PWWP2A: variants seen among roughly 807,000 people sequenced by gnomAD.
PWWP2A encodes PWWP domain containing 2A, also known as PWWP domain-containing protein 2A.
Under a neutral mutation model 48.5 loss-of-function variants are expected in PWWP2A, and 18 were observed. That is an observed-to-expected ratio of 0.37 (90% CI 0.26 to 0.55). PWWP2A has a LOEUF of 0.55. Among genes scored for constraint, PWWP2A ranks in the 20% least tolerant of loss-of-function variants. PWWP2A has a pLI of 0.81. For synonymous variants in PWWP2A, 396 were observed against 387.7 expected (o/e 1.02, Z -0.25); for missense variants, 867 against 976.4 (o/e 0.89, Z 1.49).
intron 1 of PWWP2A, among the ~76,000 whole-genome samples, chr5:160,105,239 CAAAAA>C (rs70990704): frequency 7.2e-3 from 351 of 48,964 alleles, no homozygotes; most frequent in African/African-American, 0.029. Context: ...GTCTCTAAGG[CAAAAA>C]AAAAAAAAAA....
rs1758489468 is a variant in PWWP2A at position 160,119,362 on chromosome 5, T to C, written c.27A>G (p.Ala9=). The C allele has an allele frequency of 7.3e-7, 1 of 1,372,630 alleles. No homozygotes were observed. The allele number at this position is 1,372,630 out of a possible 1,614,324, so 85.0% of individuals were successfully genotyped here. A position where few individuals can be genotyped will look rare whatever the true frequency, so the allele number is the denominator to read the frequency against. The part of the protein sequence containing the change: MAAVAAEA[A]ATAASPGEGG... ...CCTCCCCGGGGGACGCTGCAGTCGC[T>C]GCCGCCTCTGCAGCCACGGCCGCCA... Residue 9 remains alanine, a synonymous_variant, in exon 1 of 2, where the codon GCA becomes GCG. Transcript: ENST00000307063.
At chr5:160,045,515 T>TCTCTCTC in the PWWP2A span, among the ~76,000 whole-genome samples, 2 of 37,620 alleles carry the variant, frequency 5.3e-5, no homozygotes, top group African/African-American at 1.5e-4. Context: ...CACACACACA[T>TCTCTCTC]ACACACTCTC....
intron 3 of PWWP2A, among the ~76,000 whole-genome samples, chr5:160,079,081 CGTGGA>C (rs1173735816): frequency 6.6e-6 from 1 of 151,904 alleles, no homozygotes; most frequent in Non-Finnish European, 1.5e-5. Flanking sequence ...AGAGATGATC[CGTGGA>C]AAGAAAGATG....
downstream of PWWP2A, chr5:160,091,271 T>C: frequency 1.0e-6 from 1 of 976,380 alleles, no homozygotes; most frequent in Non-Finnish European, 1.2e-6. Context: ...TTCTAAACAC[T>C]CTTACAAAGA....
chr5:160,112,252 T>C (rs112361449), intron 1 of PWWP2A, among the ~76,000 whole-genome samples: 1 of 151,884 alleles, frequency 6.6e-6, no homozygotes, highest in South Asian at 2.1e-4. Flanking sequence ...AAAGAGCCTC[T>C]CTCTGTCATC....
intron 1 of PWWP2A, among the ~76,000 whole-genome samples, chr5:160,096,613 C>T (rs1171181143): frequency 6.6e-6 from 1 of 152,142 alleles, no homozygotes; most frequent in African/African-American, 2.4e-5. Flanking sequence ...AAGAGAAGTG[C>T]CCTTCCTCTT....
At chr5:160,054,599 C>T in the PWWP2A span, among the ~76,000 whole-genome samples, 5 of 146,790 alleles carry the variant, frequency 3.4e-5, no homozygotes, top group African/African-American at 1.3e-4. Context: ...GACCCTGTCT[C>T]AAAAACAAAA....
At chr5:160,072,351 T>A (rs1753757717), downstream of PWWP2A, among the ~76,000 whole-genome samples, 1 of 152,106 alleles carries the variant, frequency 6.6e-6, no homozygotes, top group Non-Finnish European at 1.5e-5. Context: ...TTAAAAAAAA[T>A]GGATTACTTG....
chr5:160,105,730 G>A lies in PWWP2A; in HGVS notation c.585-11665C>T, dbSNP rs546126615. On this transcript the variant is annotated intron_variant, in intron 1 of 1. Transcript: ENST00000307063. ...AAAGAGGTTACAGTGAGCCAAGATC[G>A]CACCACTGCACTCCAGACTGGGTGA... 8.1e-5 allele frequency: 51 copies of A among 626,848 alleles called. No individual in the cohort carries two copies. In the South Asian group the frequency reaches 2.5e-3, roughly 31 times the overall value. The allele number at this position is 626,848 out of a possible 1,614,324, so 38.8% of individuals were successfully genotyped here. A position where few individuals can be genotyped will look rare whatever the true frequency, so the allele number is the denominator to read the frequency against.
downstream of PWWP2A, among the ~76,000 whole-genome samples, chr5:160,060,384 C>T (rs148377347): frequency 1.4e-3 from 210 of 152,332 alleles, 1 homozygote; most frequent in African/African-American, 4.9e-3. Context: ...GTGGCAAGCA[C>T]TCGGATCCCT....
At chr5:160,095,652 A>G (rs1755562368) in intron 1 of PWWP2A, among the ~76,000 whole-genome samples, 1 of 150,956 alleles carries the variant, frequency 6.6e-6, no homozygotes, top group South Asian at 2.1e-4. Context: ...TTTCTACACT[A>G]CAAATCTTCA....
At chr5:160,108,613 C>T in intron 1 of PWWP2A, 1 of 1,281,092 alleles carries the variant, frequency 7.8e-7, no homozygotes, top group Non-Finnish European at 1.0e-6. Context: ...GTTTCATGGT[C>T]TCTGTAAAGA....
intron 1 of PWWP2A, among the ~76,000 whole-genome samples, chr5:160,115,285 A>G (rs1284671919): frequency 6.6e-6 from 1 of 151,958 alleles, no homozygotes; most frequent in Non-Finnish European, 1.5e-5. Context: ...GCTGGCTGCA[A>G]TGGCTTATGC....
At chr5:160,117,864 AGCGTGT>A in intron 1 of PWWP2A, 2 of 984,746 alleles carry the variant, frequency 2.0e-6, no homozygotes, top group South Asian at 9.4e-5. Context: ...ATACGATCAG[AGCGTGT>A]GCTGTTGCAG....
chr5:160,102,223 A>G (rs1756390331), intron 1 of PWWP2A, among the ~76,000 whole-genome samples: 1 of 151,838 alleles, frequency 6.6e-6, no homozygotes, highest in East Asian at 1.9e-4. Flanking sequence ...CCTGGCCAAC[A>G]TGCTGAAATC....
intron 1 of PWWP2A, among the ~76,000 whole-genome samples, chr5:160,095,184 T>C (rs1323847459): frequency 6.6e-6 from 1 of 152,062 alleles, no homozygotes; most frequent in Non-Finnish European, 1.5e-5. Flanking sequence ...ATAATTTCTT[T>C]TCTACTCTGG....
chr5:160,110,811 C>T (rs1250730957), intron 1 of PWWP2A, among the ~76,000 whole-genome samples: 1 of 150,800 alleles, frequency 6.6e-6, no homozygotes, highest in Non-Finnish European at 1.5e-5. Flanking sequence ...GCAAGCAGAT[C>T]ACCTGAGGTC....
At chr5:160,066,389 C>A (rs571196109) in intron 4 of PWWP2A, among the ~76,000 whole-genome samples, 1 of 148,414 alleles carries the variant, frequency 6.7e-6, no homozygotes, top group Admixed American at 6.8e-5. Context: ...CTCTGCCTCC[C>A]AGGCTCAAGC....
Position 160,078,184 on chromosome 5 carries a change from GA to G in PWWP2A, c.1670-17del, listed in dbSNP as rs1254138463. 6 of 1,546,356 alleles carry G rather than the reference GA, an allele frequency of 3.9e-6. No individual in the cohort carries two copies. The highest frequency in any genetic ancestry group is 5.3e-6 in the Non-Finnish European group (6 of 1,141,328). ...TGTCTTTGTGCTGAAATATAGTAAAGAAAAGGAAGAAAATGTCGTTAAGCAC... is the reference window on the plus strand; with the variant it reads ...TGTCTTTGTGCTGAAATATAGTAAAGAAAGGAAGAAAATGTCGTTAAGCAC... On this transcript the variant is annotated splice_polypyrimidine_tract_variant and intron_variant, in intron 3 of 3. Coordinates refer to the PWWP2A transcript ENST00000456329. The surrounding 1 kb of genome is among the most constrained non-coding windows in gnomAD (Gnocchi z 4.2).
Sources: gnomAD v4.1 joint callset for allele counts (sites outside exome capture counted in the v4.1 genomes callset) on GRCh38, gnomAD v4.1.1 for gene constraint, Gnocchi (gnomAD v3.1) non-coding constraint, MANE v1.5 for transcripts, NCBI Gene and HGNC (gene_info 2026-07-23, HGNC 2026-07-21) for gene names.